The following MPDZ variants were observed in gnomAD, a reference collection of about 807,000 sequenced individuals.
The protein encoded by MPDZ is multiple PDZ domain crumbs cell polarity complex component, also known as multiple PDZ domain protein.
In MPDZ, 234 loss-of-function variants were observed where a neutral mutation model predicts 239.1. The ratio of observed to expected loss-of-function variants is 0.98; its 90% CI spans 0.88 to 1.09. The LOEUF is 1.09. MPDZ is among the 50% of genes least tolerant of loss of function. The pLI, the probability that MPDZ is intolerant of heterozygous loss-of-function variation, is 0.00. For missense variants in MPDZ, 3,175 were observed against 2,510.0 expected, an observed-to-expected ratio of 1.26 and a Z score of -5.66; for synonymous variants, 1,048 against 881.3, an observed-to-expected ratio of 1.19 and a Z score of -3.35.
chr9:13,119,619 A>G lies in MPDZ; in HGVS notation c.5262T>C (p.Ile1754=). 1 of 1,613,950 alleles carries G rather than the reference A, an allele frequency of 6.2e-7. No individual in the cohort carries two copies. The highest frequency in any genetic ancestry group is 8.5e-7 in the Non-Finnish European group (1 of 1,179,872). Residue 1754 remains isoleucine (I), a synonymous_variant, in exon 39 of 47, where the codon ATT becomes ATC. Coordinates refer to ENST00000319217, the MANE Select transcript of MPDZ (RefSeq NM_001378778.1). ...CGGCATCTGCAATTCCTCCTTTGACAATGTCTGACACAAATACTCCAGTAT... is the reference window on the plus strand; with the variant it reads ...CGGCATCTGCAATTCCTCCTTTGACGATGTCTGACACAAATACTCCAGTAT... ...RNDTGVFVSD[I]VKGGIADADG...
At chr9:13,203,420 T>C (rs1232859147) in intron 12 of MPDZ, among the ~76,000 whole-genome samples, 1 of 152,114 alleles carries the variant, frequency 6.6e-6, no homozygotes, top group Non-Finnish European at 1.5e-5. Flanking sequence ...CAATTCATAT[T>C]CAACCAACCT....
chr9:13,193,489 C>T (rs969341449), intron 13 of MPDZ, among the ~76,000 whole-genome samples, 176 bp from the exon 14 acceptor site: 1 of 152,134 alleles, frequency 6.6e-6, no homozygotes, highest in Non-Finnish European at 1.5e-5. Flanking sequence ...GTACTGGTGT[C>T]TTTTGATTTC....
At chr9:13,195,493 T>A (rs1048495440) in intron 13 of MPDZ, among the ~76,000 whole-genome samples, 4 of 152,190 alleles carry the variant, frequency 2.6e-5, no homozygotes, top group African/African-American at 9.7e-5. Context: ...TTTTATTTTT[T>A]CTTTTGAAAT....
Position 13,106,778 on chromosome 9 carries a change from G to C in MPDZ, c.*187C>G. ...AAGTTCACAAAATGCAAGAAGAAAA[G>C]AAAAATGATGTTAGGTTGTCAGTAA... On this transcript the variant is annotated 3_prime_UTR_variant, in exon 47 of 47. Coordinates refer to ENST00000319217, the MANE Select transcript of MPDZ (RefSeq NM_001378778.1). 1.7e-6 allele frequency: 1 copy of C among 584,466 alleles called. No individual in the cohort carries two copies. The highest frequency in any genetic ancestry group is 2.9e-6 in the Non-Finnish European group (1 of 347,496). 36.2% of individuals were successfully genotyped at this position (584,466 alleles called of 1,614,324 possible). A position where few individuals can be genotyped will look rare whatever the true frequency, so the allele number is the denominator to read the frequency against.
intron 21 of MPDZ, among the ~76,000 whole-genome samples, chr9:13,173,704 CAAA>C (rs1357050642): frequency 1.8e-5 from 2 of 114,160 alleles, no homozygotes; most frequent in Admixed American, 9.2e-5. Context: ...AACTCTCTCT[CAAA>C]AAAAAAAAAA....
chr9:13,172,529 C>G (rs1233522763), intron 21 of MPDZ, among the ~76,000 whole-genome samples: 1 of 151,702 alleles, frequency 6.6e-6, no homozygotes, highest in African/African-American at 2.4e-5. Context: ...ATTACAGGTG[C>G]CCACCACCAC....
intron 8 of MPDZ, 115 bp downstream of exon 8, chr9:13,219,444 C>G: frequency 1.2e-6 from 1 of 861,200 alleles, no homozygotes; most frequent in Non-Finnish European, 1.8e-6. Flanking sequence ...AATTTCATTC[C>G]ATTCTTTAGC....
chr9:13,121,645 C>G (rs1944366204), intron 38 of MPDZ, 94 bp downstream of exon 38: 3 of 1,322,772 alleles, frequency 2.3e-6, no homozygotes, highest in Admixed American at 1.8e-5. Context: ...ACACTAGCCA[C>G]TGATAAAAGA....
At chr9:13,256,253 T>C (rs1485866680) in intron 1 of MPDZ, among the ~76,000 whole-genome samples, 1 of 152,218 alleles carries the variant, frequency 6.6e-6, no homozygotes, top group Non-Finnish European at 1.5e-5. Flanking sequence ...CGTAAGGGAA[T>C]GTTGTGGCTG....
intron 27 of MPDZ, among the ~76,000 whole-genome samples, chr9:13,140,356 ATGGAAGGCTCAGAT>A (rs925325589): frequency 6.1e-5 from 9 of 147,124 alleles, no homozygotes; most frequent in Non-Finnish European, 1.2e-4. Context: ...CTAACAAATA[ATGGAAGGCTCAGAT>A]TGTTAAATAT....
chr9:13,270,592 A>T (rs1331883798), intron 1 of MPDZ, among the ~76,000 whole-genome samples: 1 of 152,082 alleles, frequency 6.6e-6, no homozygotes, highest in Admixed American at 6.6e-5. Context: ...TATCTCAACA[A>T]TGTTTACACT....
At chr9:13,257,987 C>CT (rs1969832991) in intron 1 of MPDZ, among the ~76,000 whole-genome samples, 1 of 152,264 alleles carries the variant, frequency 6.6e-6, no homozygotes, top group South Asian at 2.1e-4. Flanking sequence ...TCCTGTAAAA[C>CT]TTTAATATAA....
Position 13,190,222 on chromosome 9 carries a change from C to A in MPDZ, c.2046G>T (p.Gln682His). 1 of 1,613,072 alleles carries A rather than the reference C, an allele frequency of 6.2e-7. No individual in the cohort carries two copies. Among genetic ancestry groups the A allele is most frequent in the South Asian group, 1.1e-5 (1 of 91,018 alleles). ...AAGGTGCTTGAACCTCTTCTGTACT[C>A]TGACCCGCATCAGTCATCGCCAGCA... ...DPVLAMTDAGQSTEEVQAPLA... is the reference protein window; with the variant it reads ...DPVLAMTDAGHSTEEVQAPLA... Residue 682 changes from glutamine to histidine, a missense_variant, in exon 16 of 47, where the codon CAG becomes CAT. Coordinates refer to ENST00000319217, the MANE Select transcript of MPDZ (RefSeq NM_001378778.1).
intron 8 of MPDZ, among the ~76,000 whole-genome samples, chr9:13,218,204 T>C (rs1018918618): frequency 4.6e-5 from 7 of 151,886 alleles, no homozygotes; most frequent in African/African-American, 7.2e-5. Flanking sequence ...TCATTGCACA[T>C]AATTATCTGT....
chr9:13,214,504 C>A (rs891499164), intron 10 of MPDZ, among the ~76,000 whole-genome samples: 1 of 151,858 alleles, frequency 6.6e-6, no homozygotes. Flanking sequence ...TGGTAGTGAA[C>A]GCACAACTCT....
At position 13,138,111 on chromosome 9, in the gene MPDZ, T is replaced by C. The variant is rs777185937; in HGVS notation, c.4046A>G (p.His1349Arg). 4 of 1,608,686 alleles carry C rather than the reference T, an allele frequency of 2.5e-6. No individual in the cohort carries two copies. Among genetic ancestry groups the C allele is most frequent in the East Asian group, 2.2e-5 (1 of 44,750 alleles). ...ATGACCTTTCTCCAGTTCAATCATA[T>C]GCAGCTCGCCTGTTAGGGTTCCATA... is the stretch of plus-strand genomic sequence containing the variant. ...ERYGTLTGEL[H>R]MIELEKGHSG... The change falls in exon 29 of 47, where the codon CAT (histidine) becomes CGT (arginine). Residue 1349 changes from histidine to arginine, a missense_variant. Physicochemically the swap from His to Arg is conservative, Grantham distance 29. Transcript: ENST00000319217.
chr9:13,249,352 C>G (rs1967269230), intron 2 of MPDZ, among the ~76,000 whole-genome samples: 1 of 152,120 alleles, frequency 6.6e-6, no homozygotes, highest in Admixed American at 6.6e-5. Flanking sequence ...TTTGCCCTTT[C>G]CTTTCCACTT....
At position 13,193,214 on chromosome 9, in the gene MPDZ, G is replaced by T. The variant is rs752132105; in HGVS notation, c.1756C>A (p.Pro586Thr). Reference sequence around the variant, plus strand: ...AAGAGCTTCCCGCTGTGTCCAACAGGACCCTCTGGTAGAACAGATCGGATA... The same window carrying T: ...AAGAGCTTCCCGCTGTGTCCAACAGTACCCTCTGGTAGAACAGATCGGATA... ...HFIRSVLPEG[P>T]VGHSGKLFSG... The change falls in exon 14 of 47, where the codon CCT (proline) becomes ACT (threonine). Residue 586 changes from proline to threonine, a missense_variant. Coordinates refer to ENST00000319217, the MANE Select transcript of MPDZ (RefSeq NM_001378778.1). The T allele has an allele frequency of 6.2e-7, 1 of 1,607,916 alleles. No homozygotes were observed. Among genetic ancestry groups the T allele is most frequent in the South Asian group, 1.1e-5 (1 of 90,122 alleles).
intron 1 of MPDZ, among the ~76,000 whole-genome samples, chr9:13,258,395 T>G (rs1304587975): frequency 6.6e-6 from 1 of 152,212 alleles, no homozygotes; most frequent in African/African-American, 2.4e-5. Context: ...TAAAAGGGCT[T>G]GTTTCAATGG....
Sources: allele counts gnomAD v4.1 joint callset (sites outside exome capture counted in the v4.1 genomes callset), GRCh38; gene constraint gnomAD v4.1.1; transcripts MANE v1.5; gene names NCBI Gene and HGNC (gene_info 2026-07-23, HGNC 2026-07-21).